Variants in CFAP47 observed in about 807,000 individuals in gnomAD.
The protein encoded by CFAP47 is cilia- and flagella-associated protein 47.
Under a neutral mutation model 148.1 loss-of-function variants are expected in CFAP47, and 29 were observed. The observed-to-expected ratio is 0.20, with a 90% CI of 0.15 to 0.27. The LOEUF (loss-of-function observed/expected upper bound fraction) is 0.27. Among genes scored for constraint, CFAP47 ranks in the 10% least tolerant of loss-of-function variants. The pLI, the probability that CFAP47 is intolerant of heterozygous loss-of-function variation, is 1.00. For synonymous variants in CFAP47, 664 were observed against 577.3 expected, an observed-to-expected ratio of 1.15 and a Z score of -2.15; for missense variants, 1,872 against 1,697.5, an observed-to-expected ratio of 1.10 and a Z score of -1.81.
chrX:36,385,170 G>A lies in CFAP47; in HGVS notation c.*164G>A, dbSNP rs782630861. 1.2e-5 allele frequency: 5 copies of A among 407,368 alleles called. No individual in the cohort carries two copies. In the South Asian group the frequency reaches 2.5e-4, roughly 20 times the overall value. The allele number at this position is 407,368 out of a possible 1,213,427, so 33.6% of individuals were successfully genotyped here. A position where few individuals can be genotyped will look rare whatever the true frequency, so the allele number is the denominator to read the frequency against. ...TCTCTGAATATATTATACTTCATTTGTGAGTTATGAATGTTTTTTGGTTGC... is the reference window on the plus strand; with the variant it reads ...TCTCTGAATATATTATACTTCATTTATGAGTTATGAATGTTTTTTGGTTGC... On this transcript the variant is annotated 3_prime_UTR_variant, in exon 64 of 64. Coordinates refer to ENST00000378653, the MANE Select transcript of CFAP47 (RefSeq NM_001304548.2).
At chrX:36,027,542 A>G (rs1021472476) in intron 22 of CFAP47, among the ~76,000 whole-genome samples, 2 of 110,508 alleles carry the variant, frequency 1.8e-5, no homozygotes, top group Non-Finnish European at 3.8e-5. Flanking sequence ...GCTGAGTACT[A>G]TTCCATGGTG....
At chrX:35,942,307 T>C (rs1453216833) in intron 3 of CFAP47, among the ~76,000 whole-genome samples, 1 of 111,531 alleles carries the variant, frequency 9.0e-6, no homozygotes, top group South Asian at 3.7e-4. Flanking sequence ...TGATTGAGCA[T>C]TGGGAATTAT....
At chrX:36,063,944 C>T (rs540054458) in intron 26 of CFAP47, among the ~76,000 whole-genome samples, 40 of 112,321 alleles carry the variant, frequency 3.6e-4, no homozygotes, top group African/African-American at 1.3e-3. Flanking sequence ...TTGAAACTTC[C>T]ATACCCACAG....
rs1208696797 is a variant in CFAP47 at position 36,236,830 on chromosome X, C to A, written c.7303C>A (p.His2435Asn). The A allele has an allele frequency of 2.1e-6, 1 of 486,697 alleles. No homozygotes were observed. Among genetic ancestry groups the A allele is most frequent in the Non-Finnish European group, 3.7e-6 (1 of 270,043 alleles). The allele number at this position is 486,697 out of a possible 1,213,427, so 40.1% of individuals were successfully genotyped here. The stretch of plus-strand genomic sequence containing the variant: ...GACACAAAAGCATATAACATTGCCT[C>A]ATTTCACAAATACTGCCCTAACATT... ...NVTQKHITLP[H>N]FTNTALTFKV... Residue 2435 changes from histidine (H) to asparagine (N), a missense_variant, in exon 48 of 64, where the codon CAT becomes AAT. Transcript: ENST00000378653.
chrX:36,351,566 T>A (rs1445137042), intron 59 of CFAP47, among the ~76,000 whole-genome samples: 1 of 112,013 alleles, frequency 8.9e-6, no homozygotes, highest in East Asian at 2.8e-4. Flanking sequence ...AAAACCATGC[T>A]TATGAGAACA....
At chrX:35,958,841 G>T (rs757812687) in intron 8 of CFAP47, among the ~76,000 whole-genome samples, 9 of 111,964 alleles carry the variant, frequency 8.0e-5, no homozygotes, top group African/African-American at 2.6e-4. Flanking sequence ...CTTAAAATAG[G>T]AAAATTAGCC....
chrX:36,120,978 T>C (rs919651993), intron 33 of CFAP47, among the ~76,000 whole-genome samples: 9 of 111,790 alleles, frequency 8.1e-5, no homozygotes, highest in African/African-American at 2.9e-4. Flanking sequence ...CTCCAGCTGT[T>C]ATTATATTGG....
intron 49 of CFAP47, among the ~76,000 whole-genome samples, chrX:36,272,684 A>G (rs782187184): frequency 1.8e-5 from 2 of 111,535 alleles, no homozygotes; most frequent in African/African-American, 3.2e-5. Flanking sequence ...TTAAATTTCC[A>G]GGACCCTCAG....
chrX:36,165,550 C>CATCA (rs1225990584), intron 39 of CFAP47, among the ~76,000 whole-genome samples: 5 of 111,126 alleles, frequency 4.5e-5, no homozygotes, highest in African/African-American at 1.6e-4. Context: ...ATACATATTA[C>CATCA]ATCAATATTA....
At chrX:36,239,875 G>C (rs1274918225) in intron 48 of CFAP47, among the ~76,000 whole-genome samples, 1 of 111,761 alleles carries the variant, frequency 8.9e-6, no homozygotes, top group Non-Finnish European at 1.9e-5. Flanking sequence ...CTAAATCAGA[G>C]TTTTAAACTA....
chrX:35,939,226 G>T (rs1411306276), intron 2 of CFAP47, among the ~76,000 whole-genome samples: 1 of 110,586 alleles, frequency 9.0e-6, no homozygotes, highest in Non-Finnish European at 1.9e-5. Flanking sequence ...TAGCCTTGTT[G>T]TGTTTGTCAT....
intron 40 of CFAP47, among the ~76,000 whole-genome samples, chrX:36,181,649 C>T (rs1939751147): frequency 8.9e-6 from 1 of 112,001 alleles, no homozygotes; most frequent in African/African-American, 3.2e-5. Flanking sequence ...CTTAAAGATG[C>T]TGAGACATTG....
chrX:36,192,097 A>G (rs1939872619), intron 42 of CFAP47, among the ~76,000 whole-genome samples: 1 of 111,801 alleles, frequency 8.9e-6, no homozygotes, highest in Non-Finnish European at 1.9e-5. Context: ...TACGAAGCAA[A>G]GACTATTTCT....
At chrX:35,934,348 C>A (rs1297522329) in intron 2 of CFAP47, among the ~76,000 whole-genome samples, 1 of 111,070 alleles carries the variant, frequency 9.0e-6, no homozygotes, top group Non-Finnish European at 1.9e-5. Flanking sequence ...CCACCACTGG[C>A]CCACAGGGAG....
At chrX:36,078,911 G>T (rs760252390) in intron 29 of CFAP47, among the ~76,000 whole-genome samples, 53 of 110,609 alleles carry the variant, frequency 4.8e-4, no homozygotes, top group African/African-American at 1.6e-3. Context: ...GTCTATAAAG[G>T]ATTTTATTTC....
At chrX:35,922,947 C>T (rs748443014) in intron 1 of CFAP47, among the ~76,000 whole-genome samples, 27 of 111,362 alleles carry the variant, frequency 2.4e-4, no homozygotes, top group Non-Finnish European at 1.1e-4. Flanking sequence ...TTCCTCGCTT[C>T]TTCTCCACCT....
intron 3 of CFAP47, 93 bp downstream of exon 3, chrX:35,941,491 GA>G: frequency 4.4e-6 from 2 of 453,254 alleles, no homozygotes; most frequent in Non-Finnish European, 7.1e-6. Flanking sequence ...TAATTTAACT[GA>G]AAAAAGGTCT....
At chrX:36,286,650 A>C (rs1556004617) in intron 51 of CFAP47, among the ~76,000 whole-genome samples, 1 of 111,406 alleles carries the variant, frequency 9.0e-6, no homozygotes, top group African/African-American at 3.2e-5. Flanking sequence ...TGAATTGGTT[A>C]CCACTGCAGT....
chrX:35,978,252 A>G (rs936115325), intron 15 of CFAP47, among the ~76,000 whole-genome samples: 3 of 111,922 alleles, frequency 2.7e-5, no homozygotes, highest in Admixed American at 9.5e-5. Flanking sequence ...AAAGCTCACT[A>G]GCCTATACTT....
Sources: allele counts gnomAD v4.1 joint callset (sites outside exome capture counted in the v4.1 genomes callset), GRCh38; gene constraint gnomAD v4.1.1; transcripts MANE v1.5; gene names NCBI Gene and HGNC (gene_info 2026-07-23, HGNC 2026-07-21).